TBC1D5: variants seen among roughly 807,000 people sequenced by gnomAD.
TBC1D5 encodes the protein TBC1 domain family member 5.
In TBC1D5, 75 loss-of-function variants were observed where a neutral mutation model predicts 100.3. The observed-to-expected ratio is 0.75, with a 90% CI of 0.62 to 0.91. The LOEUF is 0.91. Among genes scored for constraint, TBC1D5 ranks in the 40% least tolerant of loss-of-function variants. The pLI is 0.00. For synonymous variants in TBC1D5, 323 were observed against 325.6 expected, an observed-to-expected ratio of 0.99 and a Z score of 0.09; for missense variants, 910 against 942.4, an observed-to-expected ratio of 0.97 and a Z score of 0.45.
In TBC1D5 at chr3:17,288,103, A is replaced by G. The variant is rs149039946; in HGVS notation, c.1245+3792T>C. Among the ~76,000 whole-genome samples the G allele has an allele frequency of 1.6e-3, 237 of 152,326 alleles. 1 individual carries two copies. The highest frequency in any genetic ancestry group is 5.6e-3 in the African/African-American group (232 of 41,578). On this transcript the variant is annotated intron_variant, in intron 15 of 21. Coordinates refer to ENST00000253692, the Ensembl canonical transcript of TBC1D5. ...AATAGAAAACATTTAAAGCACTATG[A>G]TGTCTGAATTTTTAGAGGCTATAGG... is the stretch of plus-strand genomic sequence containing the variant.
intron 8 of TBC1D5, 107 bp from the exon 9 acceptor site, chr3:17,384,122 A>C: frequency 1.1e-6 from 1 of 947,184 alleles, no homozygotes; most frequent in South Asian, 1.9e-5. Flanking sequence ...TTTTAGAACA[A>C]GCCTGTGTTT....
chr3:17,705,010 C>T (rs1451914333), intron 1 of TBC1D5, among the ~76,000 whole-genome samples: 5 of 132,980 alleles, frequency 3.8e-5, no homozygotes, highest in East Asian at 2.6e-4. Flanking sequence ...GGCTGACCCC[C>T]CCACCTCCCT....
chr3:17,410,047 G>A (rs1575759156), intron 4 of TBC1D5, among the ~76,000 whole-genome samples: 1 of 152,220 alleles, frequency 6.6e-6, no homozygotes, highest in Middle Eastern at 3.4e-3. Context: ...AGCTAGGGAC[G>A]AGAAGGCAAG....
In TBC1D5 at chr3:17,529,644, TTA is replaced by T. The variant is rs1362429460; in HGVS notation, c.-35-21041_-35-21040del. Among the ~76,000 whole-genome samples the T allele has an allele frequency of 3.4e-3, 518 of 151,938 alleles. 3 individuals are homozygous for T. The highest frequency in any genetic ancestry group is 0.012 in the African/African-American group (490 of 41,390). On this transcript the variant is annotated intron_variant, in intron 2 of 21. Transcript: ENST00000253692. Reference sequence around the variant, plus strand: ...TGGTACAAAGAAGGCATTATTATTATTATTATTTTTATTTTTTTTTGAGACAG... The same window carrying T: ...TGGTACAAAGAAGGCATTATTATTATTTATTTTTATTTTTTTTTGAGACAG...
intron 13 of TBC1D5, among the ~76,000 whole-genome samples, chr3:17,361,003 G>A (rs1445615265): frequency 6.6e-6 from 1 of 151,920 alleles, no homozygotes; most frequent in Non-Finnish European, 1.5e-5. Flanking sequence ...AGACATCCTG[G>A]TCTATGTTTA....
intron 3 of TBC1D5, among the ~76,000 whole-genome samples, chr3:17,434,579 C>A (rs759519872): frequency 5.9e-5 from 9 of 152,156 alleles, no homozygotes; most frequent in Non-Finnish European, 1.2e-4. Flanking sequence ...CTTTATAATT[C>A]CTGAGGTCTT....
intron 3 of TBC1D5, among the ~76,000 whole-genome samples, chr3:17,439,773 A>G (rs2149516968): frequency 6.6e-6 from 1 of 152,332 alleles, no homozygotes; most frequent in African/African-American, 2.4e-5. Flanking sequence ...TCTGATAACT[A>G]GAAATATGTC....
At chr3:17,678,666 T>TAAAAAAAAAAAAAAAAAAAAAAAGGAAA (rs150614567) in intron 1 of TBC1D5, among the ~76,000 whole-genome samples, 1 of 109,078 alleles carries the variant, frequency 9.2e-6, no homozygotes, top group Non-Finnish European at 1.8e-5. Context: ...AAAAGAGGGA[T>TAAAAAAAAAAAAAAAAAAAAAAAGGAAA]AAAAAAAAAA....
At chr3:17,613,808 T>C (rs2061889003) in intron 2 of TBC1D5, among the ~76,000 whole-genome samples, 1 of 152,176 alleles carries the variant, frequency 6.6e-6, no homozygotes, top group Non-Finnish European at 1.5e-5. Context: ...ATGGGTGGAG[T>C]GTAAAAATTT....
At chr3:17,388,904 T>C (rs2093261551) in intron 8 of TBC1D5, among the ~76,000 whole-genome samples, 1 of 151,874 alleles carries the variant, frequency 6.6e-6, no homozygotes, top group Admixed American at 6.6e-5. Flanking sequence ...AATACCATAG[T>C]GCCATTGTAA....
chr3:17,401,389 A>G (rs1032232964), intron 8 of TBC1D5, among the ~76,000 whole-genome samples: 3 of 150,500 alleles, frequency 2.0e-5, no homozygotes, highest in Non-Finnish European at 4.4e-5. Context: ...GTATATGTAT[A>G]TGTATATGTA....
chr3:17,323,675 A>G (rs2085720513), intron 13 of TBC1D5, among the ~76,000 whole-genome samples: 1 of 152,186 alleles, frequency 6.6e-6, no homozygotes, highest in Admixed American at 6.5e-5. Flanking sequence ...AAAAAAAGAT[A>G]ATCACAAAGC....
Position 17,500,724 on chromosome 3 carries a change from GTAAGTACTA to G in TBC1D5, c.97+7741_97+7749del, listed in dbSNP as rs1404467079. Reference sequence around the variant, plus strand: ...TTCCCCTACTTTGATTATTCCTCCAGTAAGTACTATTAAAATACTTCCTCTATCCAAGTT... The same window carrying G: ...TTCCCCTACTTTGATTATTCCTCCAGTTAAAATACTTCCTCTATCCAAGTT... On this transcript the variant is annotated intron_variant, in intron 3 of 21. Transcript: ENST00000253692. Among the ~76,000 whole-genome samples, 2 of 149,402 alleles carry G rather than the reference GTAAGTACTA, an allele frequency of 1.3e-5. 1 individual carries two copies. The highest frequency in any genetic ancestry group is 5.1e-5 in the African/African-American group (2 of 39,304).
intron 19 of TBC1D5, among the ~76,000 whole-genome samples, chr3:17,177,918 T>A (rs1046551976): frequency 6.6e-6 from 1 of 152,136 alleles, no homozygotes; most frequent in Non-Finnish European, 1.5e-5. Flanking sequence ...TCTCCATGAG[T>A]TCAATTGTTT....
intron 2 of TBC1D5, among the ~76,000 whole-genome samples, chr3:17,537,929 G>A (rs541133656): frequency 2.0e-5 from 3 of 152,286 alleles, no homozygotes; most frequent in East Asian, 1.9e-4. Context: ...AGGTCCTGAC[G>A]ACATGTGTCC....
intron 16 of TBC1D5, among the ~76,000 whole-genome samples, chr3:17,245,082 A>T (rs1168416530): frequency 6.6e-6 from 1 of 151,020 alleles, no homozygotes; most frequent in Non-Finnish European, 1.5e-5. Context: ...AGTCCCAGCT[A>T]CTTGAGGGGC....
intron 15 of TBC1D5, among the ~76,000 whole-genome samples, chr3:17,282,804 CAAAG>C (rs2080754741): frequency 6.6e-6 from 1 of 152,156 alleles, no homozygotes. Flanking sequence ...TTTTCACTAA[CAAAG>C]AAAATATTTA....
chr3:17,491,669 G>A (rs2095641791), intron 3 of TBC1D5, among the ~76,000 whole-genome samples: 1 of 152,138 alleles, frequency 6.6e-6, no homozygotes, highest in African/African-American at 2.4e-5. Context: ...CTTGATAATG[G>A]TGGATAAACT....
intron 4 of TBC1D5, among the ~76,000 whole-genome samples, chr3:17,424,526 T>C (rs937066011): frequency 2.0e-5 from 3 of 152,222 alleles, no homozygotes; most frequent in African/African-American, 7.2e-5. Context: ...CTTTAAAAAG[T>C]ACAAGATATA....
Sources: gnomAD v4.1 joint callset for allele counts (sites outside exome capture counted in the v4.1 genomes callset) on GRCh38, gnomAD v4.1.1 for gene constraint, MANE v1.5 for transcripts, NCBI Gene and HGNC (gene_info 2026-07-23, HGNC 2026-07-21) for gene names.